Variants in CCDC83 observed in about 807,000 individuals in gnomAD.
The protein encoded by CCDC83 is coiled-coil domain-containing protein 83.
A neutral mutation model predicts 50.1 loss-of-function variants in CCDC83; 54 were observed. The ratio of observed to expected loss-of-function variants is 1.08; its 90% CI spans 0.87 to 1.35. The LOEUF is 1.35. Ranked by LOEUF, CCDC83 falls within the 40% of genes most tolerant of loss-of-function variation. The pLI is 0.00. For missense variants in CCDC83, 518 were observed against 473.9 expected, an observed-to-expected ratio of 1.09 and a Z score of -0.86; for synonymous variants, 161 against 153.3, an observed-to-expected ratio of 1.05 and a Z score of -0.37.
At chr11:85,916,341 T>G in intron 10 of CCDC83, 108 bp downstream of exon 10, 1 of 869,590 alleles carries the variant, frequency 1.1e-6, no homozygotes, top group Non-Finnish European at 1.9e-6. Flanking sequence ...AAATTCCATT[T>G]GCAATTATTA....
intron 7 of CCDC83, among the ~76,000 whole-genome samples, chr11:85,903,765 C>G (rs919981446): frequency 1.3e-5 from 2 of 152,112 alleles, no homozygotes; most frequent in Non-Finnish European, 2.9e-5. Context: ...ACCTGGTTTT[C>G]TTCCCTGACT....
intron 7 of CCDC83, among the ~76,000 whole-genome samples, chr11:85,908,450 C>T (rs2093435047): frequency 6.6e-6 from 1 of 152,056 alleles, no homozygotes; most frequent in African/African-American, 2.4e-5. Context: ...CCCGTGGAGG[C>T]TGAGGCAGGA....
chr11:85,894,362 G>A (rs775108091), intron 5 of CCDC83, among the ~76,000 whole-genome samples: 30 of 152,168 alleles, frequency 2.0e-4, no homozygotes, highest in Non-Finnish European at 1.3e-4. Context: ...CCCTGCCTAT[G>A]TTACATAAAT....
chr11:85,862,782 A>G (rs2093184883), intron 1 of CCDC83, among the ~76,000 whole-genome samples: 1 of 152,222 alleles, frequency 6.6e-6, no homozygotes, highest in Non-Finnish European at 1.5e-5. Flanking sequence ...GCACATTATC[A>G]AATGCAAAAA....
chr11:85,864,661 T>C (rs1385843058), intron 1 of CCDC83, among the ~76,000 whole-genome samples: 1 of 152,250 alleles, frequency 6.6e-6, no homozygotes, highest in Non-Finnish European at 1.5e-5. Flanking sequence ...TTAAGTCTTT[T>C]GGATCCTAGC....
chr11:85,916,268 GA>G, intron 10 of CCDC83, 35 bp downstream of exon 10: 1 of 1,391,724 alleles, frequency 7.2e-7, no homozygotes, highest in Non-Finnish European at 1.0e-6. Flanking sequence ...TGACTACTAA[GA>G]AAATGCTGTT....
intron 1 of CCDC83, among the ~76,000 whole-genome samples, chr11:85,864,285 T>C (rs539942162): frequency 7.2e-5 from 11 of 152,360 alleles, no homozygotes; most frequent in Non-Finnish European, 1.3e-4. Flanking sequence ...TAACTACTGA[T>C]ACATTTATTT....
At chr11:85,870,073 C>A (rs1452165180) in intron 2 of CCDC83, among the ~76,000 whole-genome samples, 1 of 152,222 alleles carries the variant, frequency 6.6e-6, no homozygotes, top group African/African-American at 2.4e-5. Flanking sequence ...CTCCTAAATG[C>A]TCTGAGGGAG....
In CCDC83 at chr11:85,873,284, TATC is replaced by T. The variant is rs1379005294; in HGVS notation, c.172_174del (p.His58del). The stretch of plus-strand genomic sequence containing the variant: ...GACACTTAGGAAAAAGAACCAAAAA[TATC>T]ATGAAAGAGTGAGTATAAAATTTAG... On this transcript the variant is annotated inframe_deletion, in exon 3 of 11. Transcript: ENST00000342404. 6.9e-7 allele frequency: 1 copy of T among 1,458,896 alleles called. No homozygotes were observed. Among genetic ancestry groups the T allele is most frequent in the South Asian group, 1.3e-5 (1 of 78,760 alleles). The allele number at this position is 1,458,896 out of a possible 1,614,324, so 90.4% of individuals were successfully genotyped here.
intron 7 of CCDC83, among the ~76,000 whole-genome samples, chr11:85,910,892 C>A (rs1386684223): frequency 1.3e-5 from 2 of 152,126 alleles, no homozygotes; most frequent in Non-Finnish European, 2.9e-5. Flanking sequence ...TAGAACTTGG[C>A]CAGTCATGGT....
intron 7 of CCDC83, among the ~76,000 whole-genome samples, chr11:85,905,071 C>A (rs1428262062): frequency 6.7e-6 from 1 of 149,560 alleles, no homozygotes. Flanking sequence ...CTGAGGCAGG[C>A]AAATCACCTC....
chr11:85,896,393 C>T (rs531779861), intron 6 of CCDC83, among the ~76,000 whole-genome samples: 3 of 116,126 alleles, frequency 2.6e-5, no homozygotes, highest in Admixed American at 1.0e-4. Context: ...AAAGTGAGAC[C>T]TTGTCTCAAA....
chr11:85,884,045 A>C (rs2093314545), intron 4 of CCDC83, among the ~76,000 whole-genome samples: 2 of 152,168 alleles, frequency 1.3e-5, no homozygotes, highest in South Asian at 4.1e-4. Context: ...ATGGAGTGAG[A>C]CCCCAAAGGA....
intron 10 of CCDC83, chr11:85,916,449 A>G (rs2135153718): frequency 2.0e-6 from 1 of 500,074 alleles, no homozygotes; most frequent in South Asian, 2.2e-5. Context: ...GGCCTCCATT[A>G]ATAGTATACA....
intron 3 of CCDC83, among the ~76,000 whole-genome samples, chr11:85,876,412 A>G (rs886706667): frequency 2.6e-5 from 4 of 152,236 alleles, no homozygotes; most frequent in African/African-American, 9.6e-5. Context: ...GGATTTGATA[A>G]TGTACTATGG....
At chr11:85,900,876 C>T (rs987343203) in intron 7 of CCDC83, among the ~76,000 whole-genome samples, 5 of 151,052 alleles carry the variant, frequency 3.3e-5, no homozygotes, top group Admixed American at 1.3e-4. Flanking sequence ...ACCAGCCTGG[C>T]CAACATGGCA....
At chr11:85,908,551 TTAGATAGATAGATAGATAGATAGATAGA>T (rs58433339) in intron 7 of CCDC83, among the ~76,000 whole-genome samples, 1 of 137,420 alleles carries the variant, frequency 7.3e-6, no homozygotes, top group Admixed American at 7.5e-5. Flanking sequence ...GACTAGATGA[TTAGATAGATAGATAGATAGATAGATAGA>T]TAGATAGATA....
intron 5 of CCDC83, among the ~76,000 whole-genome samples, chr11:85,888,224 C>T (rs1414928299): frequency 6.6e-6 from 1 of 152,196 alleles, no homozygotes; most frequent in African/African-American, 2.4e-5. Flanking sequence ...AAATGTGGCC[C>T]TCCATAAAGG....
chr11:85,889,699 C>A (rs572721917), intron 5 of CCDC83, among the ~76,000 whole-genome samples: 1 of 152,266 alleles, frequency 6.6e-6, no homozygotes, highest in Admixed American at 6.5e-5. Context: ...ACACAGGCTG[C>A]CTTCTTTCAT....
Sources: gnomAD v4.1 joint callset for allele counts (sites outside exome capture counted in the v4.1 genomes callset) on GRCh38, gnomAD v4.1.1 for gene constraint, MANE v1.5 for transcripts, NCBI Gene and HGNC (gene_info 2026-07-23, HGNC 2026-07-21) for gene names.